Variants in RFX7 observed in about 807,000 individuals in gnomAD.
RFX7 encodes DNA-binding protein RFX7.
A neutral mutation model predicts 111.8 loss-of-function variants in RFX7; 26 were observed. The ratio of observed to expected loss-of-function variants is 0.23; its 90% confidence interval spans 0.17 to 0.32. The LOEUF (loss-of-function observed/expected upper bound fraction) is 0.32. Ranked by LOEUF, RFX7 falls within the 10% of genes least tolerant of loss-of-function variation. The pLI, the probability that RFX7 is intolerant of heterozygous loss-of-function variation, is 1.00. For missense variants in RFX7, 1,573 were observed against 1,772.9 expected (o/e 0.89, Z 2.02); for synonymous variants, 624 against 624.4 (o/e 1.00, Z 0.01).
intron 5 of RFX7, among the ~76,000 whole-genome samples, chr15:56,132,256 G>C (rs1210816017): frequency 6.6e-6 from 1 of 151,884 alleles, no homozygotes; most frequent in Non-Finnish European, 1.5e-5. Flanking sequence ...TAACTGGTCA[G>C]AAAATAAAAC....
rs572498304 is a variant in RFX7 at position 56,211,875 on chromosome 15, C to T, written c.161+31250G>A. Among the ~76,000 whole-genome samples, 25 of 152,144 alleles carry T rather than the reference C, an allele frequency of 1.6e-4. No individual in the cohort carries two copies. In the East Asian group the frequency reaches 4.8e-3, roughly 29 times the overall value. On this transcript the variant is annotated intron_variant, in intron 2 of 9. Coordinates refer to ENST00000559447, the MANE Select transcript of RFX7 (RefSeq NM_022841.7). The stretch of plus-strand genomic sequence containing the variant: ...GCCAAAATCCAAAATACTGACACCA[C>T]CAAATCCTGACAAGGATGTGGATCA...
chr15:56,230,189 C>A (rs1202873122), intron 2 of RFX7, among the ~76,000 whole-genome samples: 3 of 152,150 alleles, frequency 2.0e-5, no homozygotes, highest in African/African-American at 7.2e-5. Flanking sequence ...GGCTGGAATA[C>A]AAAATAACTA....
rs1697868653 is a variant in RFX7 at position 56,088,239 on chromosome 15, G to T, written c.*5106C>A. The T allele has an allele frequency of 6.5e-6, 1 of 152,678 alleles. No individual in the cohort carries two copies. The highest frequency in any genetic ancestry group is 2.4e-5 in the African/African-American group (1 of 41,422). The allele number at this position is 152,678 out of a possible 1,614,324, so 9.5% of individuals were successfully genotyped here. A position where few individuals can be genotyped will look rare whatever the true frequency, so the allele number is the denominator to read the frequency against. On this transcript the variant is annotated 3_prime_UTR_variant, in exon 10 of 10. Coordinates refer to ENST00000559447, the MANE Select transcript of RFX7 (RefSeq NM_022841.7). ...CACATATCTTAAGTATAGCATAATGGTATGAAGTGGGATTTGAAATTAAGA... is the reference window on the plus strand; with the variant it reads ...CACATATCTTAAGTATAGCATAATGTTATGAAGTGGGATTTGAAATTAAGA...
chr15:56,142,774 T>C lies in RFX7; in HGVS notation c.401+4A>G. ...CAGCATGCCATATTACACATACTAC[T>C]TACTTGTACTCATCATAGACTTCCT... On this transcript the variant is annotated splice_donor_region_variant and intron_variant, in intron 5 of 9. Transcript: ENST00000559447. The C allele has an allele frequency of 6.2e-7, 1 of 1,612,254 alleles. No homozygotes were observed. The highest frequency in any genetic ancestry group is 8.5e-7 in the Non-Finnish European group (1 of 1,178,958).
intron 3 of RFX7, among the ~76,000 whole-genome samples, chr15:56,174,541 G>C (rs1397116832): frequency 9.9e-5 from 15 of 152,110 alleles, no homozygotes; most frequent in Admixed American, 2.0e-4. Flanking sequence ...GAGGTCAAGA[G>C]ATCGAGACCA....
chr15:56,205,472 T>C (rs2043240234), intron 2 of RFX7, among the ~76,000 whole-genome samples: 1 of 152,212 alleles, frequency 6.6e-6, no homozygotes, highest in Non-Finnish European at 1.5e-5. Context: ...AACTATCTTC[T>C]CTCACTTCTC....
chr15:56,122,108 T>G (rs1201157706), intron 5 of RFX7, among the ~76,000 whole-genome samples: 1 of 152,112 alleles, frequency 6.6e-6, no homozygotes, highest in East Asian at 1.9e-4. Context: ...CATTGAAGAG[T>G]TAGATATTTA....
At chr15:56,114,355 G>C (rs1372932721) in intron 5 of RFX7, among the ~76,000 whole-genome samples, 1 of 141,506 alleles carries the variant, frequency 7.1e-6, no homozygotes, top group Admixed American at 7.4e-5. Flanking sequence ...AGGTTGCAGT[G>C]ATCAGAGATC....
intron 9 of RFX7, 112 bp from the exon 10 acceptor site, chr15:56,096,732 A>G (rs2041684381): frequency 8.3e-7 from 1 of 1,206,748 alleles, no homozygotes; most frequent in Non-Finnish European, 1.1e-6. Flanking sequence ...TAAAAAGAAA[A>G]AAGTTCCTAT....
Position 56,153,369 on chromosome 15 carries a change from A to G in RFX7, c.196-8886T>C, listed in dbSNP as rs527577607. On this transcript the variant is annotated intron_variant, in intron 3 of 9. Coordinates refer to ENST00000559447, the MANE Select transcript of RFX7 (RefSeq NM_022841.7). ...TCAAAAAGCTTATCCACCATGATCA[A>G]GTTTGCTTCATCCCTGGGATGCAAG... is the stretch of plus-strand genomic sequence containing the variant. Among the ~76,000 whole-genome samples the G allele has an allele frequency of 2.6e-5, 4 of 152,368 alleles. No homozygotes were observed. In the South Asian group the frequency reaches 8.3e-4, roughly 32 times the overall value.
rs375032326 is a variant in RFX7, at chr15:56,098,119, T to C, written c.1069A>G (p.Ile357Val). 7.4e-6 allele frequency: 12 copies of C among 1,613,718 alleles called. No homozygotes were observed. The highest frequency in any genetic ancestry group is 2.7e-5 in the African/African-American group (2 of 74,912). ...GNPSILSPQP[I>V]GIVVAAVPSP... ...GGGACAGCTGCCACAACGATACCAA[T>C]AGGTTGAGGAGAAAGGATTGAAGGA... Residue 357 changes from isoleucine (I) to valine (V), a missense_variant, in exon 9 of 10, where the codon ATT (isoleucine) becomes GTT (valine). Around this residue, in one of 7 missense-constraint regions of RFX7, gnomAD observed 288 missense variants for 337.9 expected, o/e 0.85. Transcript: ENST00000559447.
intron 5 of RFX7, among the ~76,000 whole-genome samples, chr15:56,106,494 A>G (rs1204982234): frequency 1.3e-5 from 2 of 152,206 alleles, no homozygotes; most frequent in Non-Finnish European, 2.9e-5. Context: ...TAGGTTCTCA[A>G]TTTCTTTAAT....
intron 2 of RFX7, among the ~76,000 whole-genome samples, chr15:56,207,790 A>G (rs2141192532): frequency 6.6e-6 from 1 of 152,302 alleles, no homozygotes; most frequent in East Asian, 1.9e-4. Context: ...TAAAAAGCCG[A>G]AAAAAACTGA....
chr15:56,115,337 A>G (rs772992624), intron 5 of RFX7, among the ~76,000 whole-genome samples: 1 of 152,186 alleles, frequency 6.6e-6, no homozygotes, highest in African/African-American at 2.4e-5. Context: ...CCCAGCTAAA[A>G]TAACTATTCT....
At chr15:56,235,899 T>C (rs1177624774) in intron 2 of RFX7, among the ~76,000 whole-genome samples, 1 of 152,214 alleles carries the variant, frequency 6.6e-6, no homozygotes, top group African/African-American at 2.4e-5. Context: ...TAAGGCTATT[T>C]GGAAGACATG....
At chr15:56,169,700 C>CTTTTTTTTTTTTTTTTTTTT (rs35597885) in intron 3 of RFX7, among the ~76,000 whole-genome samples, 1 of 96,886 alleles carries the variant, frequency 1.0e-5, no homozygotes. Flanking sequence ...CTAGTCAGTT[C>CTTTTTTTTTTTTTTTTTTTT]TTTTTTTTTT....
intron 8 of RFX7, among the ~76,000 whole-genome samples, chr15:56,099,963 A>G (rs149117335): frequency 1.1e-3 from 169 of 152,314 alleles, no homozygotes; most frequent in African/African-American, 3.9e-3. Context: ...TCTTTTCCCC[A>G]TGATACCTCC....
At chr15:56,126,418 C>G (rs2042146403) in intron 5 of RFX7, among the ~76,000 whole-genome samples, 2 of 152,154 alleles carry the variant, frequency 1.3e-5, no homozygotes, top group Admixed American at 1.3e-4. Context: ...GAGTGTTTTG[C>G]AAATCCTCAT....
At chr15:56,197,560 C>CT (rs1399685828) in intron 2 of RFX7, among the ~76,000 whole-genome samples, 2 of 152,008 alleles carry the variant, frequency 1.3e-5, no homozygotes, top group Non-Finnish European at 2.9e-5. Context: ...TGGGCCATCC[C>CT]TTCCCTTGCA....
Sources: gnomAD v4.1 joint callset for allele counts (sites outside exome capture counted in the v4.1 genomes callset) on GRCh38, gnomAD v4.1.1 for gene constraint, gnomAD v4.1.1 regional missense constraint, MANE v1.5 for transcripts, NCBI Gene and HGNC (gene_info 2026-07-23, HGNC 2026-07-21) for gene names.